Variants in AP3B1 observed in about 807,000 individuals in gnomAD.
AP3B1 encodes AP-3 complex subunit beta-1.
AP3B1 carries 61 observed loss-of-function variants against 132.5 expected under a neutral mutation model. The ratio of observed to expected loss-of-function variants is 0.46; its 90% CI spans 0.37 to 0.57. The LOEUF (loss-of-function observed/expected upper bound fraction) is 0.57. AP3B1 is among the 20% of genes least tolerant of loss of function. AP3B1 has a pLI of 0.00. For synonymous variants in AP3B1, 388 were observed against 438.3 expected, an observed-to-expected ratio of 0.89 and a Z score of 1.43; for missense variants, 1,120 against 1,289.4, an observed-to-expected ratio of 0.87 and a Z score of 2.01.
At chr5:78,152,350 C>G (rs552270991) in intron 14 of AP3B1, among the ~76,000 whole-genome samples, 1 of 151,952 alleles carries the variant, frequency 6.6e-6, no homozygotes, top group South Asian at 2.1e-4. Flanking sequence ...TGGTTTCAAT[C>G]TTGTTACTTG....
chr5:78,198,058 A>T (rs1360201753), intron 7 of AP3B1, among the ~76,000 whole-genome samples: 1 of 152,144 alleles, frequency 6.6e-6, no homozygotes, highest in Non-Finnish European at 1.5e-5. Context: ...CAGGATTTGA[A>T]CTCGGGAATT....
At chr5:78,113,018 A>C (rs41132) in intron 19 of AP3B1, among the ~76,000 whole-genome samples, 41,499 of 152,130 alleles carry the variant, frequency 0.27, 6,235 homozygotes, top group African/African-American at 0.38. Context: ...AGTGGCAGGG[A>C]GAGCTGCTTT....
chr5:78,013,408 C>A (rs895432872), intron 26 of AP3B1, among the ~76,000 whole-genome samples: 4 of 141,250 alleles, frequency 2.8e-5, no homozygotes, highest in African/African-American at 1.3e-4. Flanking sequence ...GAAAAGTTAA[C>A]AAAAAAAAGA....
intron 20 of AP3B1, among the ~76,000 whole-genome samples, chr5:78,105,042 A>T (rs1424618805): frequency 1.3e-5 from 2 of 152,204 alleles, no homozygotes; most frequent in African/African-American, 4.8e-5. Flanking sequence ...AGTACATTAA[A>T]TACTTAATAT....
intron 6 of AP3B1, among the ~76,000 whole-genome samples, chr5:78,219,395 C>G (rs548314378): frequency 6.6e-6 from 1 of 151,882 alleles, no homozygotes; most frequent in East Asian, 1.9e-4. Context: ...TAAATTCATA[C>G]GTGAACATTA....
chr5:78,258,781 G>A (rs1352278260), intron 2 of AP3B1, among the ~76,000 whole-genome samples: 1 of 152,168 alleles, frequency 6.6e-6, no homozygotes, highest in Non-Finnish European at 1.5e-5. Context: ...GCTAAGATTT[G>A]GAAGCAACCT....
At chr5:78,048,419 C>T (rs1441034636) in intron 22 of AP3B1, among the ~76,000 whole-genome samples, 1 of 152,122 alleles carries the variant, frequency 6.6e-6, no homozygotes, top group Non-Finnish European at 1.5e-5. Flanking sequence ...ACATTCAGCC[C>T]ATGATGGAGC....
At chr5:78,184,699 A>C (rs1226027015) in intron 7 of AP3B1, among the ~76,000 whole-genome samples, 4 of 151,810 alleles carry the variant, frequency 2.6e-5, no homozygotes, top group Non-Finnish European at 4.4e-5. Flanking sequence ...AAAAAAAAAA[A>C]CAGAGTCTCA....
chr5:78,215,878 A>G (rs1745939662), intron 7 of AP3B1, among the ~76,000 whole-genome samples, 177 bp downstream of exon 7: 1 of 152,214 alleles, frequency 6.6e-6, no homozygotes, highest in Non-Finnish European at 1.5e-5. Context: ...AAAATAATGG[A>G]TAATTATGCT....
At chr5:78,100,342 A>ATC (rs1388375078) in intron 21 of AP3B1, among the ~76,000 whole-genome samples, 1 of 152,176 alleles carries the variant, frequency 6.6e-6, no homozygotes, top group Admixed American at 6.5e-5. Flanking sequence ...AAGTACCACT[A>ATC]TCTCTCTCTC....
intron 1 of AP3B1, among the ~76,000 whole-genome samples, chr5:78,292,679 T>C (rs1441660982): frequency 6.6e-6 from 1 of 152,170 alleles, no homozygotes; most frequent in East Asian, 1.9e-4. Context: ...TGTGCACAAA[T>C]ACTCAATAAA....
intron 4 of AP3B1, 58 bp downstream of exon 4, chr5:78,228,086 C>T (rs1044288389): frequency 3.3e-6 from 4 of 1,208,536 alleles, no homozygotes; most frequent in Non-Finnish European, 4.7e-6. Flanking sequence ...CTTTAACTGA[C>T]ACACTTTCAA....
chr5:78,249,071 T>C (rs949220563), intron 2 of AP3B1, among the ~76,000 whole-genome samples: 1 of 152,148 alleles, frequency 6.6e-6, no homozygotes, highest in Non-Finnish European at 1.5e-5. Flanking sequence ...AATTTGTATC[T>C]TGGCTGGGCA....
At chr5:78,138,555 T>G (rs1561433438) in intron 15 of AP3B1, among the ~76,000 whole-genome samples, 3 of 152,126 alleles carry the variant, frequency 2.0e-5, no homozygotes, top group Non-Finnish European at 4.4e-5. Context: ...GAACAACTCT[T>G]CAAGACACTA....
chr5:78,103,128 C>CTTATA (rs1751196248), intron 20 of AP3B1, among the ~76,000 whole-genome samples: 2 of 152,204 alleles, frequency 1.3e-5, no homozygotes, highest in African/African-American at 4.8e-5. Context: ...TGGTATTCCT[C>CTTATA]TTATATTTCA....
intron 14 of AP3B1, among the ~76,000 whole-genome samples, chr5:78,149,687 G>A (rs77528195): frequency 0.013 from 1,993 of 152,248 alleles, 50 homozygotes; most frequent in African/African-American, 0.046. Flanking sequence ...CTGGAGCATA[G>A]TGAAGTCAAG....
chr5:78,011,766 G>A (rs1490899597), intron 26 of AP3B1, among the ~76,000 whole-genome samples: 4 of 152,056 alleles, frequency 2.6e-5, no homozygotes, highest in East Asian at 1.9e-4. Flanking sequence ...TTCTTTACCT[G>A]GCATTTAATG....
intron 1 of AP3B1, among the ~76,000 whole-genome samples, chr5:78,281,822 C>T (rs1039720848): frequency 6.6e-6 from 1 of 151,946 alleles, no homozygotes; most frequent in Non-Finnish European, 1.5e-5. Context: ...ATGGTGGTAA[C>T]GATTGCCTAA....
chr5:78,189,024 A>G (rs560582392), intron 7 of AP3B1, among the ~76,000 whole-genome samples: 25 of 152,248 alleles, frequency 1.6e-4, no homozygotes, highest in African/African-American at 6.0e-4. Context: ...GAACTGAACA[A>G]TGTGAACACA....
Sources: gnomAD v4.1 joint callset for allele counts (sites outside exome capture counted in the v4.1 genomes callset) on GRCh38, gnomAD v4.1.1 for gene constraint, MANE v1.5 for transcripts, NCBI Gene and HGNC (gene_info 2026-07-23, HGNC 2026-07-21) for gene names.